Variants in AGPAT3 observed in about 807,000 individuals in gnomAD.
AGPAT3 encodes the protein 1-acylglycerol-3-phosphate O-acyltransferase 3.
In AGPAT3, 5 loss-of-function variants were observed where a neutral mutation model predicts 47.3. The ratio of observed to expected loss-of-function variants is 0.11; its 90% CI spans 0.06 to 0.22. AGPAT3 has a LOEUF of 0.22. Ranked by LOEUF, AGPAT3 falls within the 10% of genes least tolerant of loss-of-function variation. The probability of loss-of-function intolerance (pLI) is 1.00; values close to 1 mark genes in which losing one functional copy is unlikely to be tolerated. For missense variants in AGPAT3, 315 were observed against 493.0 expected, an observed-to-expected ratio of 0.64 and a Z score of 3.42; for synonymous variants, 212 against 208.3, an observed-to-expected ratio of 1.02 and a Z score of -0.15.
intron 2 of AGPAT3, among the ~76,000 whole-genome samples, chr21:43,946,703 G>A (rs575751182): frequency 1.3e-4 from 20 of 152,226 alleles, no homozygotes; most frequent in Admixed American, 2.6e-4. Context: ...TTATTATAAC[G>A]CGTAGTTCGT....
chr21:43,954,905 G>A lies in AGPAT3; in HGVS notation c.-48-4729G>A, dbSNP rs2088369750. The A allele has an allele frequency of 1.1e-5, 7 of 639,596 alleles. No homozygotes were observed. The highest frequency in any genetic ancestry group is 1.0e-5 in the Non-Finnish European group (5 of 476,454). 39.6% of individuals were successfully genotyped at this position (639,596 alleles called of 1,614,324 possible). On this transcript the variant is annotated intron_variant, in intron 2 of 9. Coordinates refer to ENST00000291572, the MANE Select transcript of AGPAT3 (RefSeq NM_020132.5). The surrounding 1 kb of genome is among the most constrained non-coding windows in gnomAD (Gnocchi z 4.0). ...GGCGTGGGCTCTCCGGGGAGTCTCTGCGTAGACTTTCTAGCCCAGAGGTTC... is the reference window on the plus strand; with the variant it reads ...GGCGTGGGCTCTCCGGGGAGTCTCTACGTAGACTTTCTAGCCCAGAGGTTC...
At chr21:43,907,261 T>G (rs537184826) in intron 2 of AGPAT3, among the ~76,000 whole-genome samples, 12 of 152,186 alleles carry the variant, frequency 7.9e-5, no homozygotes, top group Non-Finnish European at 1.6e-4. Context: ...ACTCCTGGGC[T>G]CAAGCCCATC....
At chr21:43,978,898 G>C (rs2089726202) in intron 8 of AGPAT3, among the ~76,000 whole-genome samples, 1 of 152,162 alleles carries the variant, frequency 6.6e-6, no homozygotes, top group Admixed American at 6.5e-5. Flanking sequence ...CAAATGCATG[G>C]GGCATTCGAT....
intron 1 of AGPAT3, among the ~76,000 whole-genome samples, chr21:43,871,913 C>T (rs2085633005): frequency 6.6e-6 from 1 of 151,962 alleles, no homozygotes; most frequent in African/African-American, 2.4e-5. Flanking sequence ...ATAATTTTAT[C>T]CATCCTTCTT....
At chr21:43,921,451 G>A (rs2086889458) in intron 2 of AGPAT3, among the ~76,000 whole-genome samples, 1 of 152,200 alleles carries the variant, frequency 6.6e-6, no homozygotes, top group Admixed American at 6.5e-5. Context: ...TCACAAGCTA[G>A]GATCAGCATC....
chr21:43,976,919 C>T (rs2089640939), intron 7 of AGPAT3, among the ~76,000 whole-genome samples: 1 of 152,164 alleles, frequency 6.6e-6, no homozygotes, highest in Admixed American at 6.5e-5. Context: ...CCACCGTCAT[C>T]CTAGCTGGCA....
At chr21:43,892,232 G>A (rs1298377838) in intron 1 of AGPAT3, among the ~76,000 whole-genome samples, 2 of 151,932 alleles carry the variant, frequency 1.3e-5, no homozygotes, top group South Asian at 2.1e-4. Context: ...GCTTGAATCT[G>A]GGAGGCGGAG....
rs897822805 is a variant in AGPAT3 at position 43,955,640 on chromosome 21, T to C, written c.-48-3994T>C. On this transcript the variant is annotated intron_variant, in intron 2 of 9. Transcript: ENST00000291572. The surrounding 1 kb of genome is among the most constrained non-coding windows in gnomAD (Gnocchi z 4.1). ...AAACGTCATGACTGGGTGCGGTGGC[T>C]CACACCTGTAATCCCAGCGCTTTGG... Among the ~76,000 whole-genome samples, 1 of 151,512 alleles carries C rather than the reference T, an allele frequency of 6.6e-6. No homozygotes were observed. Among genetic ancestry groups the C allele is most frequent in the Non-Finnish European group, 1.5e-5 (1 of 67,894 alleles).
chr21:43,904,675 C>T (rs1175479872), intron 2 of AGPAT3, among the ~76,000 whole-genome samples: 1 of 152,154 alleles, frequency 6.6e-6, no homozygotes, highest in African/African-American at 2.4e-5. Flanking sequence ...TCCTGTGCTC[C>T]TGCAGCCCGT....
At chr21:43,941,986 G>A (rs888575026) in intron 2 of AGPAT3, among the ~76,000 whole-genome samples, 1 of 152,276 alleles carries the variant, frequency 6.6e-6, no homozygotes, top group Non-Finnish European at 1.5e-5. Context: ...TGACCAGGTG[G>A]CAGGGGACTG....
intron 7 of AGPAT3, among the ~76,000 whole-genome samples, chr21:43,973,793 G>A (rs894366057): frequency 7.9e-5 from 12 of 152,118 alleles, no homozygotes; most frequent in African/African-American, 1.9e-4. Context: ...CTTTGGTGGC[G>A]ATGCCCAGGG....
At position 43,981,170 on chromosome 21, in the gene AGPAT3, T is replaced by C; in HGVS notation, c.1025T>C (p.Leu342Ser). Reference sequence around the variant, plus strand: ...TCACCTCTCCTGATCCTGACTTTCTTGGGGTTTGTGGGAGCAGGTAATGGA... The same window carrying C: ...TCACCTCTCCTGATCCTGACTTTCTCGGGGTTTGTGGGAGCAGGTAATGGA... ...SGSPLLILTF[L>S]GFVGAASFGV... The change falls in exon 9 of 10, where the codon TTG (leucine) becomes TCG (serine). Residue 342 changes from leucine (L) to serine (S), a missense_variant. By Grantham distance (145) the Leu-to-Ser change is moderately radical (BLOSUM62 -2). Transcript: ENST00000291572. The surrounding 1 kb of genome is among the most constrained non-coding windows in gnomAD (Gnocchi z 5.3). 6.2e-7 allele frequency: 1 copy of C among 1,614,136 alleles called. No homozygotes were observed. The highest frequency in any genetic ancestry group is 8.5e-7 in the Non-Finnish European group (1 of 1,180,018).
At chr21:43,936,433 T>A (rs1344939207) in intron 2 of AGPAT3, among the ~76,000 whole-genome samples, 1 of 152,250 alleles carries the variant, frequency 6.6e-6, no homozygotes, top group Non-Finnish European at 1.5e-5. Flanking sequence ...TCTGCCCTCC[T>A]GGCACACGGC....
intron 7 of AGPAT3, among the ~76,000 whole-genome samples, chr21:43,975,642 C>T (rs550473362): frequency 1.3e-5 from 2 of 152,374 alleles, no homozygotes; most frequent in East Asian, 1.9e-4. Context: ...CTCTGAGGTG[C>T]GTCGTCGCCC....
intron 1 of AGPAT3, among the ~76,000 whole-genome samples, chr21:43,891,458 C>G (rs1046660928): frequency 1.3e-4 from 20 of 152,198 alleles, no homozygotes; most frequent in African/African-American, 4.8e-4. Flanking sequence ...ACAGTGAAAC[C>G]CTGTCTCTAC....
intron 2 of AGPAT3, among the ~76,000 whole-genome samples, chr21:43,925,735 C>T (rs2087033739): frequency 6.6e-6 from 1 of 152,238 alleles, no homozygotes; most frequent in African/African-American, 2.4e-5. Context: ...TTGACTTGGG[C>T]ACCTGTGACA....
At chr21:43,916,469 A>T (rs79689636) in intron 2 of AGPAT3, 1 of 150,834 alleles carries the variant, frequency 6.6e-6, no homozygotes, top group Non-Finnish European at 1.5e-5. Context: ...TTTTAGTTTT[A>T]GCGTTATATT....
rs528877954 is a variant in AGPAT3, at chr21:43,933,057, G to A, written c.-48-26577G>A. Among the ~76,000 whole-genome samples the A allele has an allele frequency of 3.9e-5, 6 of 152,138 alleles. No individual in the cohort carries two copies. The highest frequency in any genetic ancestry group is 3.9e-4 in the East Asian group (2 of 5,194). On this transcript the variant is annotated intron_variant, in intron 2 of 9. Coordinates refer to ENST00000291572, the MANE Select transcript of AGPAT3 (RefSeq NM_020132.5). The surrounding 1 kb of genome is among the most constrained non-coding windows in gnomAD (Gnocchi z 6.0). The stretch of plus-strand genomic sequence containing the variant: ...AGCGTGCCAGGTGCCTTTTCTCTGC[G>A]TTCTCGTCAACACCTGTTACATTCG...
At chr21:43,940,204 G>A (rs950336704) in intron 2 of AGPAT3, among the ~76,000 whole-genome samples, 4 of 152,248 alleles carry the variant, frequency 2.6e-5, no homozygotes, top group African/African-American at 9.6e-5. Context: ...GCTCCCCGCA[G>A]GTCCTTCTCG....
Sources: gnomAD v4.1 joint callset for allele counts (sites outside exome capture counted in the v4.1 genomes callset) on GRCh38, gnomAD v4.1.1 for gene constraint, Gnocchi (gnomAD v3.1) non-coding constraint, MANE v1.5 for transcripts, NCBI Gene and HGNC (gene_info 2026-07-23, HGNC 2026-07-21) for gene names.